ZNF804A: variants seen among roughly 807,000 people sequenced by gnomAD.
ZNF804A encodes the protein zinc finger protein 804A.
A neutral mutation model predicts 16.5 loss-of-function variants in ZNF804A; 2 were observed. The observed-to-expected ratio is 0.12, with a 90% confidence interval of 0.05 to 0.38. The LOEUF (loss-of-function observed/expected upper bound fraction) is 0.38, where lower values mean the gene tolerates loss of function less well. Among genes scored for constraint, ZNF804A ranks in the 10% least tolerant of loss-of-function variants. The pLI is 0.99. For missense variants in ZNF804A, 1,473 were observed against 1,390.7 expected (o/e 1.06, Z -0.94); for synonymous variants, 534 against 489.6 (o/e 1.09, Z -1.20).
intron 1 of ZNF804A, among the ~76,000 whole-genome samples, chr2:184,672,686 A>T (rs993961329): frequency 6.6e-6 from 1 of 151,998 alleles, no homozygotes; most frequent in Non-Finnish European, 1.5e-5. Flanking sequence ...TTTTTTAGTG[A>T]CACAGAAGGT....
At chr2:184,789,622 C>T (rs1227913654) in intron 1 of ZNF804A, among the ~76,000 whole-genome samples, 2 of 152,000 alleles carry the variant, frequency 1.3e-5, no homozygotes, top group Non-Finnish European at 2.9e-5. Context: ...TTTGTGTGCA[C>T]AGAGGTGTTC....
At chr2:184,686,150 G>A (rs1186445955) in intron 1 of ZNF804A, among the ~76,000 whole-genome samples, 1 of 152,242 alleles carries the variant, frequency 6.6e-6, no homozygotes, top group Non-Finnish European at 1.5e-5. Flanking sequence ...AGCTTGCGGG[G>A]CAGGGGCTTC....
chr2:184,899,463 G>A (rs1456602245), intron 2 of ZNF804A, among the ~76,000 whole-genome samples: 1 of 151,918 alleles, frequency 6.6e-6, no homozygotes, highest in Non-Finnish European at 1.5e-5. Flanking sequence ...CAAAAGTGTG[G>A]TCTTTTTCAT....
At chr2:184,641,286 G>A (rs907458946) in intron 1 of ZNF804A, among the ~76,000 whole-genome samples, 2 of 152,068 alleles carry the variant, frequency 1.3e-5, no homozygotes, top group African/African-American at 2.4e-5. Flanking sequence ...CTAATATAAA[G>A]CTAAACAACT....
chr2:184,698,747 G>C (rs549640008), intron 1 of ZNF804A, among the ~76,000 whole-genome samples: 12 of 152,198 alleles, frequency 7.9e-5, no homozygotes, highest in African/African-American at 2.9e-4. Flanking sequence ...TTCAGAGTTG[G>C]CTATATACTT....
At chr2:184,920,290 A>G (rs995407242) in intron 2 of ZNF804A, among the ~76,000 whole-genome samples, 6 of 152,248 alleles carry the variant, frequency 3.9e-5, no homozygotes, top group Admixed American at 1.3e-4. Flanking sequence ...CACTCTTTTA[A>G]AACTTGCAGT....
At chr2:184,666,252 G>T (rs191571768) in intron 1 of ZNF804A, among the ~76,000 whole-genome samples, 41 of 151,780 alleles carry the variant, frequency 2.7e-4, no homozygotes, top group Non-Finnish European at 4.9e-4. Context: ...TTTTAATATC[G>T]TATATCATAT....
intron 1 of ZNF804A, 30 bp downstream of exon 1, chr2:184,599,100 T>TCC: frequency 6.7e-7 from 1 of 1,502,744 alleles, no homozygotes; most frequent in Non-Finnish European, 9.3e-7. Flanking sequence ...TCTCTCTCTC[T>TCC]CTCATATTTA....
At chr2:184,618,028 A>C (rs985635394) in intron 1 of ZNF804A, among the ~76,000 whole-genome samples, 4 of 152,046 alleles carry the variant, frequency 2.6e-5, no homozygotes, top group African/African-American at 9.7e-5. Context: ...ATGGACAAGA[A>C]TACTAAGACT....
chr2:184,731,933 C>T (rs1693527595), intron 1 of ZNF804A, among the ~76,000 whole-genome samples: 1 of 151,932 alleles, frequency 6.6e-6, no homozygotes, highest in Non-Finnish European at 1.5e-5. Context: ...GTTAATGTTT[C>T]TTTGTATATT....
At chr2:184,777,431 C>T (rs1694305773) in intron 1 of ZNF804A, among the ~76,000 whole-genome samples, 1 of 151,334 alleles carries the variant, frequency 6.6e-6, no homozygotes, top group African/African-American at 2.4e-5. Flanking sequence ...TGCTGTTTTC[C>T]TTCCCTATTG....
chr2:184,827,488 A>G (rs1168695661), intron 1 of ZNF804A, among the ~76,000 whole-genome samples: 2 of 146,684 alleles, frequency 1.4e-5, no homozygotes, highest in African/African-American at 2.5e-5. Context: ...ATATTTATAT[A>G]TATATAAAAA....
At chr2:184,829,681 A>G (rs1294447049) in intron 1 of ZNF804A, among the ~76,000 whole-genome samples, 5 of 151,918 alleles carry the variant, frequency 3.3e-5, no homozygotes, top group Non-Finnish European at 5.9e-5. Flanking sequence ...TAGGTGAACC[A>G]TAGATTATTC....
intron 1 of ZNF804A, among the ~76,000 whole-genome samples, chr2:184,782,596 G>A (rs533311040): frequency 6.6e-6 from 1 of 150,946 alleles, no homozygotes; most frequent in South Asian, 2.1e-4. Context: ...TTGCTCTTCA[G>A]CTTTCAGATG....
intron 1 of ZNF804A, among the ~76,000 whole-genome samples, chr2:184,862,918 T>G (rs1027537631): frequency 9.2e-5 from 14 of 152,128 alleles, no homozygotes; most frequent in Non-Finnish European, 2.9e-5. Flanking sequence ...CTGTTTTTGT[T>G]TCTTTGTTTT....
chr2:184,742,006 G>A (rs1462261143), intron 1 of ZNF804A, among the ~76,000 whole-genome samples: 1 of 151,924 alleles, frequency 6.6e-6, no homozygotes, highest in Non-Finnish European at 1.5e-5. Flanking sequence ...TATATATTCA[G>A]TCTAATTTTT....
chr2:184,723,306 G>A (rs1243120290), intron 1 of ZNF804A, among the ~76,000 whole-genome samples: 4 of 151,882 alleles, frequency 2.6e-5, no homozygotes, highest in Non-Finnish European at 5.9e-5. Context: ...ACAGGCTCGC[G>A]TGTATCACTG....
At chr2:184,775,776 A>G (rs1000854975) in intron 1 of ZNF804A, among the ~76,000 whole-genome samples, 1 of 151,678 alleles carries the variant, frequency 6.6e-6, no homozygotes, top group Non-Finnish European at 1.5e-5. Flanking sequence ...ATGAAGCAAG[A>G]TAAAAATCAC....
chr2:184,932,890 A>G (rs1053467413), intron 2 of ZNF804A, among the ~76,000 whole-genome samples: 8 of 152,172 alleles, frequency 5.3e-5, no homozygotes, highest in Non-Finnish European at 8.8e-5. Context: ...CAGATGAAAG[A>G]TAATACCCAA....
Sources: gnomAD v4.1 joint callset for allele counts (sites outside exome capture counted in the v4.1 genomes callset) on GRCh38, gnomAD v4.1.1 for gene constraint, MANE v1.5 for transcripts, NCBI Gene and HGNC (gene_info 2026-07-23, HGNC 2026-07-21) for gene names.